GRB10: variants seen among roughly 807,000 people sequenced by gnomAD.
GRB10 encodes the protein growth factor receptor-bound protein 10.
GRB10 carries 20 observed loss-of-function variants against 80.9 expected under a neutral mutation model. The ratio of observed to expected loss-of-function variants is 0.25; its 90% CI spans 0.17 to 0.36. GRB10 has a LOEUF of 0.36. GRB10 is among the 10% of genes least tolerant of loss of function. The pLI is 1.00. For missense variants in GRB10, 548 were observed against 747.7 expected, an observed-to-expected ratio of 0.73 and a Z score of 3.12; for synonymous variants, 291 against 291.5, an observed-to-expected ratio of 1.00 and a Z score of 0.02.
At chr7:50,692,026 A>C (rs2062873829) in intron 5 of GRB10, among the ~76,000 whole-genome samples, 3 of 152,242 alleles carry the variant, frequency 2.0e-5, no homozygotes, top group African/African-American at 2.4e-5. Context: ...TTGAAGATTG[A>C]AAATATTAAG....
intron 4 of GRB10, among the ~76,000 whole-genome samples, chr7:50,711,985 G>A (rs2065963184): frequency 1.3e-5 from 2 of 152,094 alleles, no homozygotes; most frequent in Non-Finnish European, 2.9e-5. Context: ...GAGACCCATT[G>A]GGGCTGAATC....
At chr7:50,715,911 T>G (rs996851200) in intron 4 of GRB10, among the ~76,000 whole-genome samples, 2 of 152,158 alleles carry the variant, frequency 1.3e-5, no homozygotes, top group Non-Finnish European at 2.9e-5. Context: ...GCCCTACTAG[T>G]GCCCACTCAC....
intron 2 of GRB10, among the ~76,000 whole-genome samples, chr7:50,778,624 G>C (rs895068274): frequency 2.6e-5 from 4 of 152,178 alleles, no homozygotes; most frequent in African/African-American, 7.2e-5. Flanking sequence ...GAAATAATGG[G>C]ACAACCCAAC....
intron 4 of GRB10, among the ~76,000 whole-genome samples, chr7:50,720,071 T>C (rs2067466522): frequency 6.6e-6 from 1 of 152,144 alleles, no homozygotes; most frequent in Admixed American, 6.5e-5. Flanking sequence ...AAGCCCATCT[T>C]CAGATAAAGA....
At chr7:50,593,143 C>T in intron 18 of GRB10, 45 bp from the exon 19 acceptor site, 1 of 1,612,662 alleles carries the variant, frequency 6.2e-7, no homozygotes. Context: ...GCTGCCACCT[C>T]AGGGAACAGA....
intron 7 of GRB10, among the ~76,000 whole-genome samples, chr7:50,627,310 C>T (rs550472632): frequency 2.0e-4 from 30 of 152,268 alleles, no homozygotes; most frequent in Admixed American, 3.3e-4. Flanking sequence ...ATTTAAAATA[C>T]GCTGGTGGTC....
At chr7:50,739,290 A>C (rs982185363) in intron 3 of GRB10, among the ~76,000 whole-genome samples, 3 of 152,234 alleles carry the variant, frequency 2.0e-5, no homozygotes, top group Admixed American at 6.5e-5. Context: ...TGAAAAGTAC[A>C]TTGGGTGTTC....
At chr7:50,607,866 T>C (rs1281498043) in intron 13 of GRB10, among the ~76,000 whole-genome samples, 1 of 152,074 alleles carries the variant, frequency 6.6e-6, no homozygotes, top group Non-Finnish European at 1.5e-5. Flanking sequence ...ATTCCAACCA[T>C]GTGGAGAAGA....
intron 17 of GRB10, among the ~76,000 whole-genome samples, chr7:50,596,460 T>C (rs2046671721): frequency 6.6e-6 from 1 of 152,310 alleles, no homozygotes; most frequent in African/African-American, 2.4e-5. Flanking sequence ...TCTACAAGAA[T>C]TGGCTTCTAC....
At chr7:50,712,524 T>C (rs1033950091) in intron 4 of GRB10, among the ~76,000 whole-genome samples, 1 of 89,082 alleles carries the variant, frequency 1.1e-5, no homozygotes, top group Non-Finnish European at 3.3e-5. Flanking sequence ...AAAAAACTTT[T>C]CTCCCAAATG....
At chr7:50,661,488 T>C (rs1280985205) in intron 7 of GRB10, among the ~76,000 whole-genome samples, 1 of 152,208 alleles carries the variant, frequency 6.6e-6, no homozygotes, top group African/African-American at 2.4e-5. Context: ...AAGGAAAGTG[T>C]GGCCTGTCAA....
chr7:50,756,954 CCCTG>C (rs1484871242), intron 2 of GRB10, among the ~76,000 whole-genome samples: 1 of 152,146 alleles, frequency 6.6e-6, no homozygotes, highest in African/African-American at 2.4e-5. Flanking sequence ...GGAGGAGGTC[CCCTG>C]CCTGCAACGT....
At chr7:50,775,282 G>A (rs1263085351) in intron 2 of GRB10, among the ~76,000 whole-genome samples, 1 of 151,854 alleles carries the variant, frequency 6.6e-6, no homozygotes, top group Non-Finnish European at 1.5e-5. Flanking sequence ...AACCAAACAG[G>A]ACAAACATTA....
At chr7:50,613,249 A>G (rs560575738) in intron 12 of GRB10, among the ~76,000 whole-genome samples, 13 of 152,278 alleles carry the variant, frequency 8.5e-5, no homozygotes, top group Non-Finnish European at 1.5e-4. Flanking sequence ...GAGATCTTAA[A>G]GTTGCCCCCA....
At chr7:50,775,161 C>CAAAA (rs777553621) in intron 2 of GRB10, among the ~76,000 whole-genome samples, 359 of 30,788 alleles carry the variant, frequency 0.012, 21 homozygotes, top group Admixed American at 0.031. Context: ...ATCCTGTCTC[C>CAAAA]AAAAAAAAAA....
chr7:50,757,222 T>C (rs541660965), intron 2 of GRB10, among the ~76,000 whole-genome samples: 3 of 152,324 alleles, frequency 2.0e-5, no homozygotes, highest in Admixed American at 6.5e-5. Flanking sequence ...GGGCAAATTA[T>C]TGAGTCATTG....
rs541985706 is a variant in GRB10 at position 50,752,429 on chromosome 7, C to T, written c.-47+3458G>A. Reference sequence around the variant, plus strand: ...GTGGCACAACTGTAGAAGTTTCCTGCCCTTGGAAAGAGAAAGGTGAAAGGC... The same window carrying T: ...GTGGCACAACTGTAGAAGTTTCCTGTCCTTGGAAAGAGAAAGGTGAAAGGC... On this transcript the variant is annotated intron_variant, in intron 3 of 18. Coordinates refer to ENST00000401949, the MANE Select transcript of GRB10 (RefSeq NM_001350814.2). Among the ~76,000 whole-genome samples, 647 of 152,250 alleles carry T rather than the reference C, an allele frequency of 4.2e-3. 2 individuals are homozygous for T. Among genetic ancestry groups the T allele is most frequent in the Non-Finnish European group, 6.4e-3 (435 of 68,002 alleles).
chr7:50,727,392 T>G (rs1300047865), intron 4 of GRB10, among the ~76,000 whole-genome samples: 1 of 152,232 alleles, frequency 6.6e-6, no homozygotes, highest in Non-Finnish European at 1.5e-5. Flanking sequence ...GTTGACATCT[T>G]GTTCACCTGG....
chr7:50,632,809 G>A (rs1401661730), intron 7 of GRB10, among the ~76,000 whole-genome samples: 1 of 152,134 alleles, frequency 6.6e-6, no homozygotes, highest in Non-Finnish European at 1.5e-5. Context: ...TGTTGCGCAG[G>A]AAAGGCAACT....
Sources: allele counts gnomAD v4.1 joint callset (sites outside exome capture counted in the v4.1 genomes callset), GRCh38; gene constraint gnomAD v4.1.1; transcripts MANE v1.5; gene names NCBI Gene and HGNC (gene_info 2026-07-23, HGNC 2026-07-21).